Variants in ARHGEF12 observed in about 807,000 individuals in gnomAD.
ARHGEF12 encodes KMT2A/ARHGEF12 fusion protein.
Under a neutral mutation model 211.2 loss-of-function variants are expected in ARHGEF12, and 66 were observed. The ratio of observed to expected loss-of-function variants is 0.31; its 90% CI spans 0.26 to 0.38. The LOEUF is 0.38. Among genes scored for constraint, ARHGEF12 ranks in the 10% least tolerant of loss-of-function variants. The pLI is 1.00. For missense variants in ARHGEF12, 1,429 were observed against 1,869.5 expected, an observed-to-expected ratio of 0.76 and a Z score of 4.34; for synonymous variants, 592 against 638.4, an observed-to-expected ratio of 0.93 and a Z score of 1.09.
At chr11:120,408,911 G>T (rs11217860) in intron 3 of ARHGEF12, 27,715 of 152,122 alleles carry the variant, frequency 0.18, 2,900 homozygotes, top group Non-Finnish European at 0.23. Flanking sequence ...TTGTAGTCAT[G>T]GGGCTCAGAG....
chr11:120,353,252 A>G (rs1239325583), intron 1 of ARHGEF12, among the ~76,000 whole-genome samples: 23 of 152,168 alleles, frequency 1.5e-4, no homozygotes, highest in Admixed American at 1.5e-3. Flanking sequence ...TTCATGCGAA[A>G]CTCAGAATCT....
chr11:120,475,631 T>A (rs1591639706), intron 33 of ARHGEF12, 124 bp downstream of exon 33: 1 of 1,002,866 alleles, frequency 1.0e-6, no homozygotes, highest in East Asian at 2.6e-5. Flanking sequence ...TTAAGCAAAT[T>A]ACATGAAATT....
At chr11:120,358,924 G>A (rs1248485243) in intron 1 of ARHGEF12, among the ~76,000 whole-genome samples, 1 of 152,118 alleles carries the variant, frequency 6.6e-6, no homozygotes, top group Non-Finnish European at 1.5e-5. Flanking sequence ...AGGCTCAACT[G>A]CACCTGGTGG....
At chr11:120,362,871 C>T (rs1943315000) in intron 1 of ARHGEF12, among the ~76,000 whole-genome samples, 2 of 151,914 alleles carry the variant, frequency 1.3e-5, no homozygotes, top group South Asian at 2.1e-4. Context: ...GAGGCCGAGG[C>T]GGGCGGATCA....
rs1308298784 is a variant in ARHGEF12, at chr11:120,477,273, G to A, written c.3420G>A (p.Lys1140=). The change falls in exon 35 of 41, where the codon AAG becomes AAA. Residue 1140 remains lysine, a synonymous_variant. Coordinates refer to ENST00000397843, the MANE Select transcript of ARHGEF12 (RefSeq NM_015313.3). ...MAASVKEQST[K]PIPLPQSTPG... ...CATCAGTGAAGGAGCAATCCACAAAGCCAATTCCATTACCACAGTCAACAC... is the reference window on the plus strand; with the variant it reads ...CATCAGTGAAGGAGCAATCCACAAAACCAATTCCATTACCACAGTCAACAC... The A allele has an allele frequency of 1.4e-5, 22 of 1,614,130 alleles. No homozygotes were observed. The highest frequency in any genetic ancestry group is 1.9e-5 in the Non-Finnish European group (22 of 1,180,022).
intron 4 of ARHGEF12, 75 bp from the exon 5 acceptor site, chr11:120,420,678 A>G (rs1945157420): frequency 1.6e-5 from 19 of 1,221,732 alleles, no homozygotes; most frequent in Non-Finnish European, 2.2e-5. Context: ...ACAGTTTATT[A>G]CTAATATATA....
At chr11:120,475,615 A>T in intron 33 of ARHGEF12, 108 bp downstream of exon 33, 1 of 1,187,912 alleles carries the variant, frequency 8.4e-7, no homozygotes, top group South Asian at 1.8e-5. Flanking sequence ...TGCTATTTTT[A>T]TATTCTTAAG....
At chr11:120,360,538 G>GCATACCACC (rs1244880148) in intron 1 of ARHGEF12, among the ~76,000 whole-genome samples, 2 of 151,996 alleles carry the variant, frequency 1.3e-5, no homozygotes, top group Non-Finnish European at 2.9e-5. Context: ...GACCATAAGT[G>GCATACCACC]CATACCACCA....
chr11:120,369,723 G>A (rs1943535731), intron 1 of ARHGEF12, among the ~76,000 whole-genome samples: 1 of 152,214 alleles, frequency 6.6e-6, no homozygotes, highest in African/African-American at 2.4e-5. Context: ...CTACACAGAA[G>A]TCTCAATGTA....
At chr11:120,463,978 T>A (rs1946620402) in intron 27 of ARHGEF12, 1 of 152,232 alleles carries the variant, frequency 6.6e-6, no homozygotes, top group Admixed American at 6.5e-5. Context: ...ACTTTTTAGG[T>A]GTTTAACCAT....
At chr11:120,421,577 A>C (rs1170920756) in intron 5 of ARHGEF12, among the ~76,000 whole-genome samples, 1 of 151,868 alleles carries the variant, frequency 6.6e-6, no homozygotes, top group Non-Finnish European at 1.5e-5. Context: ...AGCTGGGACT[A>C]CAGGCACGTG....
intron 1 of ARHGEF12, among the ~76,000 whole-genome samples, chr11:120,343,603 C>A (rs925131787): frequency 1.3e-5 from 2 of 152,224 alleles, no homozygotes; most frequent in Non-Finnish European, 2.9e-5. Flanking sequence ...AATTCAAATG[C>A]TGAGTCCTGG....
At chr11:120,352,632 G>A (rs1205413715) in intron 1 of ARHGEF12, among the ~76,000 whole-genome samples, 1 of 152,110 alleles carries the variant, frequency 6.6e-6, no homozygotes, top group East Asian at 1.9e-4. Flanking sequence ...TCGCCGTGTG[G>A]GTGGGGAAAG....
At chr11:120,438,739 C>T (rs956560267) in intron 12 of ARHGEF12, 3 of 152,170 alleles carry the variant, frequency 2.0e-5, no homozygotes, top group Non-Finnish European at 2.9e-5. Flanking sequence ...TTAAGCCAAA[C>T]TCATTTTTTT....
intron 1 of ARHGEF12, among the ~76,000 whole-genome samples, chr11:120,356,546 T>C (rs1159847316): frequency 6.6e-6 from 1 of 152,204 alleles, no homozygotes; most frequent in Non-Finnish European, 1.5e-5. Flanking sequence ...ATGTACACTT[T>C]GTCTTTATTG....
intron 1 of ARHGEF12, among the ~76,000 whole-genome samples, chr11:120,401,015 G>A (rs968861567): frequency 5.3e-5 from 8 of 152,176 alleles, no homozygotes; most frequent in African/African-American, 1.4e-4. Flanking sequence ...GAGTCATTCC[G>A]TCAGCTGTAG....
intron 1 of ARHGEF12, among the ~76,000 whole-genome samples, chr11:120,353,907 C>A (rs974815811): frequency 8.5e-5 from 13 of 152,134 alleles, no homozygotes; most frequent in African/African-American, 3.1e-4. Context: ...AGGAAAAGCC[C>A]ATTGGGAATG....
intron 1 of ARHGEF12, among the ~76,000 whole-genome samples, chr11:120,404,223 T>A (rs1429744974): frequency 6.6e-6 from 1 of 152,190 alleles, no homozygotes; most frequent in African/African-American, 2.4e-5. Flanking sequence ...TCTGATTACA[T>A]CTGTCTCAAT....
At chr11:120,412,079 A>G (rs922158991) in intron 4 of ARHGEF12, among the ~76,000 whole-genome samples, 2 of 152,048 alleles carry the variant, frequency 1.3e-5, no homozygotes, top group Admixed American at 6.6e-5. Flanking sequence ...TATTTATTCC[A>G]TTTCCCCTTA....
Sources: allele counts gnomAD v4.1 joint callset (sites outside exome capture counted in the v4.1 genomes callset), GRCh38; gene constraint gnomAD v4.1.1; transcripts MANE v1.5; gene names NCBI Gene and HGNC (gene_info 2026-07-23, HGNC 2026-07-21).